The following CAPN3 variants were observed in gnomAD, a reference collection of about 807,000 sequenced individuals.
CAPN3 encodes the protein calpain-3.
Under a neutral mutation model 114.0 loss-of-function variants are expected in CAPN3, and 88 were observed. The ratio of observed to expected loss-of-function variants is 0.77; its 90% CI spans 0.65 to 0.92. CAPN3 has a LOEUF of 0.92. CAPN3 is among the 40% of genes least tolerant of loss of function. The pLI is 0.00. For synonymous variants in CAPN3, 386 were observed against 382.9 expected, an observed-to-expected ratio of 1.01 and a Z score of -0.09; for missense variants, 1,028 against 1,069.0, an observed-to-expected ratio of 0.96 and a Z score of 0.53.
In CAPN3 at chr15:42,401,125, C is replaced by T. The variant is rs1595836171; in HGVS notation, c.1355-516C>T. ...AGAAGAATCGCTTGAACCCAGGAGG[C>T]GGAGGCTGCAGTGAGCCGAGATCGC... On this transcript the variant is annotated intron_variant, in intron 10 of 23. Coordinates refer to ENST00000397163, the MANE Select transcript of CAPN3 (RefSeq NM_000070.3). Among the ~76,000 whole-genome samples the T allele has an allele frequency of 5.3e-5, 8 of 151,352 alleles. No individual in the cohort carries two copies. In the South Asian group the frequency reaches 1.5e-3, roughly 28 times the overall value.
chr15:42,366,828 C>CTTTTTTTTTTTTTTTTTTTTTTTT, intron 1 of CAPN3, among the ~76,000 whole-genome samples: 1 of 127,856 alleles, frequency 7.8e-6, no homozygotes, highest in Non-Finnish European at 1.6e-5. Flanking sequence ...TCTTTTTTTT[C>CTTTTTTTTTTTTTTTTTTTTTTTT]TTTTTTTTTT....
chr15:42,402,924 T>C lies in CAPN3; in HGVS notation c.1667T>C (p.Ile556Thr). ...CGCCTGCCTCCCAGCGAGTACGTCA[T>C]CGTGCCCTCCACCTACGAGCCCCAC... ...RFRLPPSEYV[I>T]VPSTYEPHQE... is the part of the protein sequence containing the mutation. Residue 556 changes from isoleucine to threonine, a missense_variant, in exon 13 of 24, where the codon ATC (isoleucine) becomes ACC (threonine). By Grantham distance (89) the Ile-to-Thr change is moderately conservative. Coordinates refer to ENST00000397163, the MANE Select transcript of CAPN3 (RefSeq NM_000070.3). 2 of 1,614,196 alleles carry C rather than the reference T, an allele frequency of 1.2e-6. No individual in the cohort carries two copies.
chr15:42,398,780 CT>C (rs765133190), intron 9 of CAPN3, among the ~76,000 whole-genome samples: 3,000 of 101,258 alleles, frequency 0.03, 6 homozygotes, highest in African/African-American at 0.052. Context: ...AGCATTAGAG[CT>C]TTTTTTTTTT....
At chr15:42,407,196 CTTGT>C (rs1454782266) in intron 15 of CAPN3, among the ~76,000 whole-genome samples, 4 of 152,126 alleles carry the variant, frequency 2.6e-5, no homozygotes, top group African/African-American at 7.2e-5. Context: ...GAAAATATCC[CTTGT>C]TTGTGTAGCA....
chr15:42,399,200 A>T (rs2053794116), intron 9 of CAPN3, among the ~76,000 whole-genome samples: 3 of 151,742 alleles, frequency 2.0e-5, no homozygotes, highest in African/African-American at 7.3e-5. Flanking sequence ...TCTGCTCTCT[A>T]CTTCCATGAC....
chr15:42,378,521 T>A (rs954560634), intron 1 of CAPN3, among the ~76,000 whole-genome samples: 1 of 152,212 alleles, frequency 6.6e-6, no homozygotes. Context: ...TTAATATTAG[T>A]AATTTGTGTT....
intron 1 of CAPN3, among the ~76,000 whole-genome samples, chr15:42,361,561 GC>G (rs147321823): frequency 0.017 from 2,528 of 152,196 alleles, 73 homozygotes; most frequent in African/African-American, 0.059. Context: ...CTATGGTAAG[GC>G]CCATAACTGT....
intron 1 of CAPN3, among the ~76,000 whole-genome samples, chr15:42,381,335 C>A (rs2053246027): frequency 6.6e-6 from 1 of 152,120 alleles, no homozygotes; most frequent in Non-Finnish European, 1.5e-5. Context: ...ATTTCCTCTA[C>A]TTTTGTTTGT....
chr15:42,392,686 C>T lies in CAPN3; in HGVS notation c.993C>T (p.Val331=), dbSNP rs2053590516. Residue 331 remains valine, a synonymous_variant, in exon 7 of 24, where the codon GTC becomes GTT. Transcript: ENST00000397163. ...AGACAAGAATGGCCTGCGGGCTGGT[C>T]AGAGGTCACGCCTACTCTGTCACGG... ...QYETRMACGL[V]RGHAYSVTGL... 3.7e-6 allele frequency: 6 copies of T among 1,613,968 alleles called. No individual in the cohort carries two copies. In the East Asian group the frequency reaches 1.3e-4, roughly 36 times the overall value.
At position 42,389,938 on chromosome 15, in the gene CAPN3, T is replaced by C; in HGVS notation, c.802-15T>C. The stretch of plus-strand genomic sequence containing the variant: ...CTCCCCTGTGTTGTTCCCTACATTC[T>C]CCATCGGGCCTCAGGATGGCACGAA... On this transcript the variant is annotated splice_polypyrimidine_tract_variant and intron_variant, in intron 5 of 23. Coordinates refer to ENST00000397163, the MANE Select transcript of CAPN3 (RefSeq NM_000070.3). 2 of 1,614,002 alleles carry C rather than the reference T, an allele frequency of 1.2e-6. No individual in the cohort carries two copies. Among genetic ancestry groups the C allele is most frequent in the Admixed American group, 1.7e-5 (1 of 60,008 alleles).
chr15:42,371,092 A>G (rs1433464421), intron 1 of CAPN3, among the ~76,000 whole-genome samples: 3 of 152,174 alleles, frequency 2.0e-5, no homozygotes, highest in Non-Finnish European at 4.4e-5. Context: ...ACATAATACA[A>G]TGAGTCAATA....
At chr15:42,393,083 C>T (rs1317829252) in intron 7 of CAPN3, among the ~76,000 whole-genome samples, 2 of 152,246 alleles carry the variant, frequency 1.3e-5, no homozygotes, top group Middle Eastern at 3.4e-3. Flanking sequence ...TGGGTAGCCA[C>T]GGGGACTGGT....
At chr15:42,410,181 G>A (rs536592608) in intron 19 of CAPN3, among the ~76,000 whole-genome samples, 186 bp downstream of exon 19, 11 of 152,248 alleles carry the variant, frequency 7.2e-5, no homozygotes, top group Admixed American at 7.2e-4. Context: ...GGAGGATGTT[G>A]GGTTGTAACT....
At chr15:42,372,853 CA>C (rs541536065) in intron 1 of CAPN3, among the ~76,000 whole-genome samples, 2 of 147,424 alleles carry the variant, frequency 1.4e-5, no homozygotes, top group African/African-American at 5.0e-5. Flanking sequence ...ATCTCAACAA[CA>C]AAAAAATTAT....
rs200202467 is a variant in CAPN3, at chr15:42,411,697, G to GC, written c.2440-50_2440-49insC. 9.9e-4 allele frequency: 805 copies of GC among 810,246 alleles called. 32 individuals are homozygous for GC. The East Asian group carries it at 0.022, about 23-fold the overall frequency. 50.2% of individuals were successfully genotyped at this position (810,246 alleles called of 1,614,324 possible). On this transcript the variant is annotated intron_variant, in intron 23 of 23. Coordinates refer to ENST00000397163, the MANE Select transcript of CAPN3 (RefSeq NM_000070.3). The stretch of plus-strand genomic sequence containing the variant: ...CGTAAGATTCCTAGGGCGGGGGGGG[G>GC]GGGGGTCACTCTTTTCTGATCTACA...
At chr15:42,385,541 G>C (rs79429038) in intron 2 of CAPN3, 282 of 393,304 alleles carry the variant, frequency 7.2e-4, no homozygotes, top group African/African-American at 5.7e-3. Flanking sequence ...CAGAGAGAGA[G>C]AGAGAGAGAG....
intron 21 of CAPN3, 79 bp from the exon 22 acceptor site, chr15:42,410,805 G>A: frequency 2.1e-6 from 3 of 1,397,588 alleles, no homozygotes; most frequent in East Asian, 2.3e-5. Context: ...GTCACAGAGT[G>A]GCCGAGAGGC....
Position 42,360,200 on chromosome 15 carries a change from A to G in CAPN3, c.309+86A>G, listed in dbSNP as rs576325420. On this transcript the variant is annotated intron_variant, in intron 1 of 23. Coordinates refer to ENST00000397163, the MANE Select transcript of CAPN3 (RefSeq NM_000070.3). ...CACCTCCGGCAGCTCAGCTGTGCAC[A>G]TGGGCACTGGGGGAAGGATCCTGGC... 159 of 1,426,466 alleles carry G rather than the reference A, an allele frequency of 1.1e-4. No homozygotes were observed. The East Asian group carries it at 2.6e-3, about 24-fold the overall frequency. The allele number at this position is 1,426,466 out of a possible 1,614,324, so 88.4% of individuals were successfully genotyped here. A position where few individuals can be genotyped will look rare whatever the true frequency, so the allele number is the denominator to read the frequency against.
chr15:42,360,948 G>C (rs1331372872), intron 1 of CAPN3, among the ~76,000 whole-genome samples: 2 of 152,152 alleles, frequency 1.3e-5, no homozygotes, highest in African/African-American at 4.8e-5. Context: ...AGCAACTGGG[G>C]GGACAGCAGT....
Sources: gnomAD v4.1 joint callset for allele counts (sites outside exome capture counted in the v4.1 genomes callset) on GRCh38, gnomAD v4.1.1 for gene constraint, MANE v1.5 for transcripts, NCBI Gene and HGNC (gene_info 2026-07-23, HGNC 2026-07-21) for gene names.